CADPS: variants seen among roughly 807,000 people sequenced by gnomAD.
The protein encoded by CADPS is calcium-dependent secretion activator 1.
A neutral mutation model predicts 167.3 loss-of-function variants in CADPS; 57 were observed. The ratio of observed to expected loss-of-function variants is 0.34; its 90% CI spans 0.28 to 0.42. CADPS has a LOEUF of 0.42. Among genes scored for constraint, CADPS ranks in the 20% least tolerant of loss-of-function variants. The pLI is 1.00. For missense variants in CADPS, 1,414 were observed against 1,738.1 expected (o/e 0.81, Z 3.32); for synonymous variants, 676 against 635.3 (o/e 1.06, Z -0.96).
intron 3 of CADPS, among the ~76,000 whole-genome samples, chr3:62,723,100 C>T (rs973222552): frequency 5.9e-5 from 9 of 152,082 alleles, no homozygotes; most frequent in Non-Finnish European, 1.0e-4. Flanking sequence ...CAGAAAGCTC[C>T]CAGTTTTAAG....
At chr3:62,556,160 A>C (rs141737905) in intron 10 of CADPS, among the ~76,000 whole-genome samples, 73 of 152,316 alleles carry the variant, frequency 4.8e-4, no homozygotes, top group Non-Finnish European at 8.2e-4. Flanking sequence ...TTCCTAAGGC[A>C]GGAGCCCCAT....
At chr3:62,658,171 T>C (rs1436562373) in intron 4 of CADPS, among the ~76,000 whole-genome samples, 2 of 152,138 alleles carry the variant, frequency 1.3e-5, no homozygotes, top group Non-Finnish European at 2.9e-5. Flanking sequence ...GTTTTCTGCA[T>C]AGTAGTTGTG....
At chr3:62,564,607 CTTT>C (rs11351162) in intron 9 of CADPS, among the ~76,000 whole-genome samples, 57 of 127,336 alleles carry the variant, frequency 4.5e-4, no homozygotes, top group Admixed American at 6.4e-4. Context: ...AACCAGAAAT[CTTT>C]TTTTTTTTTT....
intron 26 of CADPS, among the ~76,000 whole-genome samples, chr3:62,450,061 C>T (rs1287576881): frequency 6.6e-6 from 1 of 152,172 alleles, no homozygotes; most frequent in African/African-American, 2.4e-5. Context: ...AGACAAAGCA[C>T]ATGCTCCTCA....
intron 3 of CADPS, among the ~76,000 whole-genome samples, chr3:62,752,470 A>G (rs1161599442): frequency 2.6e-5 from 4 of 152,254 alleles, no homozygotes; most frequent in Admixed American, 2.6e-4. Context: ...GATATATCAT[A>G]GTTGATAAGA....
chr3:62,512,679 G>GAAAAAC (rs1255890759), intron 17 of CADPS, 72 bp downstream of exon 17: 3 of 1,285,384 alleles, frequency 2.3e-6, no homozygotes, highest in Middle Eastern at 1.9e-4. Flanking sequence ...AGGAGCCATT[G>GAAAAAC]AAAAACAAAA....
intron 1 of CADPS, among the ~76,000 whole-genome samples, chr3:62,808,339 A>G (rs2094215145): frequency 6.6e-6 from 1 of 152,142 alleles, no homozygotes; most frequent in African/African-American, 2.4e-5. Context: ...GTCAAGAGGC[A>G]GAGAATGGGA....
intron 6 of CADPS, among the ~76,000 whole-genome samples, chr3:62,596,088 TACACACAC>T (rs56780830): frequency 0.041 from 5,634 of 135,854 alleles, 133 homozygotes; most frequent in East Asian, 0.092. Flanking sequence ...TATATATGTA[TACACACAC>T]ACACACACAC....
chr3:62,713,579 C>G (rs1198790055), intron 3 of CADPS, among the ~76,000 whole-genome samples: 1 of 152,234 alleles, frequency 6.6e-6, no homozygotes, highest in African/African-American at 2.4e-5. Context: ...GGCTGCTATT[C>G]TGGGCATACT....
chr3:62,712,391 A>T (rs1283123095), intron 3 of CADPS, among the ~76,000 whole-genome samples: 2 of 152,196 alleles, frequency 1.3e-5, no homozygotes, highest in Non-Finnish European at 2.9e-5. Context: ...AAATCCTTCC[A>T]ATAAGGCGAA....
At chr3:62,782,675 G>A (rs1326488055) in intron 1 of CADPS, among the ~76,000 whole-genome samples, 1 of 152,046 alleles carries the variant, frequency 6.6e-6, no homozygotes, top group African/African-American at 2.4e-5. Context: ...GCTAAACCCT[G>A]GATCAGAGAA....
chr3:62,744,684 T>C (rs1298753682), intron 3 of CADPS, among the ~76,000 whole-genome samples: 1 of 152,234 alleles, frequency 6.6e-6, no homozygotes, highest in Non-Finnish European at 1.5e-5. Flanking sequence ...ACATCTCTGA[T>C]TACAATTTTG....
At chr3:62,475,584 G>GAAAAAAAAAAAA (rs34263556) in intron 23 of CADPS, among the ~76,000 whole-genome samples, 4 of 55,950 alleles carry the variant, frequency 7.1e-5, no homozygotes, top group African/African-American at 7.7e-5. Context: ...CAGTTCTTAA[G>GAAAAAAAAAAAA]AAAAAAAAAA....
chr3:62,434,690 G>A (rs765641118), intron 28 of CADPS, among the ~76,000 whole-genome samples: 1 of 152,252 alleles, frequency 6.6e-6, no homozygotes, highest in Non-Finnish European at 1.5e-5. Flanking sequence ...GTACAATGAC[G>A]TGGCAGAGAG....
chr3:62,859,005 G>T (rs2080238509), intron 1 of CADPS, among the ~76,000 whole-genome samples: 1 of 152,110 alleles, frequency 6.6e-6, no homozygotes, highest in East Asian at 1.9e-4. Context: ...GATTGTGCTG[G>T]AAACAAAAGA....
intron 9 of CADPS, among the ~76,000 whole-genome samples, chr3:62,560,334 C>T (rs1426946876): frequency 5.3e-5 from 8 of 152,162 alleles, no homozygotes; most frequent in Admixed American, 1.3e-4. Flanking sequence ...AAAGCCATTT[C>T]CCATGAAATG....
chr3:62,536,115 AAG>A (rs1245392168), intron 12 of CADPS: 1 of 224,888 alleles, frequency 4.4e-6, no homozygotes, highest in Non-Finnish European at 8.8e-6. Flanking sequence ...CTTAAACTCT[AAG>A]CTACTGAGGC....
At chr3:62,588,501 G>A (rs2085190163) in intron 7 of CADPS, among the ~76,000 whole-genome samples, 2 of 152,044 alleles carry the variant, frequency 1.3e-5, no homozygotes, top group South Asian at 4.2e-4. Context: ...CAGGAAAACA[G>A]GCATTCTCTT....
At chr3:62,614,634 G>A (rs2061985506) in intron 6 of CADPS, among the ~76,000 whole-genome samples, 1 of 152,216 alleles carries the variant, frequency 6.6e-6, no homozygotes. Context: ...GGAATAAGGT[G>A]TCTTTGGCAG....
Sources: gnomAD v4.1 joint callset for allele counts (sites outside exome capture counted in the v4.1 genomes callset) on GRCh38, gnomAD v4.1.1 for gene constraint, MANE v1.5 for transcripts, NCBI Gene and HGNC (gene_info 2026-07-23, HGNC 2026-07-21) for gene names.